Variants in DLGAP1 observed in about 807,000 individuals in gnomAD.
DLGAP1 encodes DLG associated protein 1, also known as disks large-associated protein 1.
In DLGAP1, 11 loss-of-function variants were observed where a neutral mutation model predicts 90.8. The observed-to-expected ratio is 0.12, with a 90% confidence interval of 0.08 to 0.20. The LOEUF (loss-of-function observed/expected upper bound fraction) is 0.20. DLGAP1 is among the 10% of genes least tolerant of loss of function. The pLI is 1.00. For missense variants in DLGAP1, 1,050 were observed against 1,333.8 expected (o/e 0.79, Z 3.31); for synonymous variants, 558 against 540.7 (o/e 1.03, Z -0.44).
At chr18:3,996,472 T>C (rs2074072467) in intron 3 of DLGAP1, among the ~76,000 whole-genome samples, 1 of 152,068 alleles carries the variant, frequency 6.6e-6, no homozygotes, top group Admixed American at 6.6e-5. Context: ...AGATATCTAT[T>C]TAGATTAAAT....
intron 2 of DLGAP1, among the ~76,000 whole-genome samples, chr18:4,087,620 CA>C (rs1207764894): frequency 6.6e-6 from 1 of 152,170 alleles, no homozygotes; most frequent in Non-Finnish European, 1.5e-5. Flanking sequence ...TCCCACTCCA[CA>C]ACTCTATATT....
rs11342881 is a variant in DLGAP1, at chr18:3,958,622, C to CAAA, written c.-73+46491_-73+46493dup. On this transcript the variant is annotated intron_variant, in intron 3 of 12. Coordinates refer to ENST00000315677, the MANE Select transcript of DLGAP1 (RefSeq NM_004746.4). ...GCCTTAGAGAGTTTAATCCTCTTTA[C>CAAA]AAAAAAAAAAAAAAAAAGGCTTTGT... Among the ~76,000 whole-genome samples the CAAA allele has an allele frequency of 5.1e-3, 627 of 123,528 alleles. 9 individuals carry two copies. The highest frequency in any genetic ancestry group is 0.014 in the African/African-American group (467 of 33,606). The allele number at this position is 123,528 out of a possible 152,430, so 81.0% of individuals were successfully genotyped here.
At chr18:3,887,598 CA>C (rs2071349624) in intron 3 of DLGAP1, among the ~76,000 whole-genome samples, 1 of 152,178 alleles carries the variant, frequency 6.6e-6, no homozygotes, top group Non-Finnish European at 1.5e-5. Flanking sequence ...TCCTTGCTCA[CA>C]CATGCATGCT....
chr18:4,325,310 A>G (rs1318709308), intron 1 of DLGAP1, among the ~76,000 whole-genome samples: 1 of 152,192 alleles, frequency 6.6e-6, no homozygotes, highest in Non-Finnish European at 1.5e-5. Context: ...CATGGAGGTG[A>G]AAGATCTATA....
At chr18:3,928,096 CA>C (rs1421855591) in intron 3 of DLGAP1, among the ~76,000 whole-genome samples, 1 of 152,156 alleles carries the variant, frequency 6.6e-6, no homozygotes, top group Non-Finnish European at 1.5e-5. Flanking sequence ...GCTCGCCATC[CA>C]CACACACTGC....
At chr18:4,243,263 C>T (rs1177626469) in intron 1 of DLGAP1, among the ~76,000 whole-genome samples, 3 of 152,330 alleles carry the variant, frequency 2.0e-5, no homozygotes, top group African/African-American at 7.2e-5. Flanking sequence ...AGTGCCTCTG[C>T]GGAGTACAGT....
At chr18:3,887,830 CG>C (rs2071355941) in intron 3 of DLGAP1, among the ~76,000 whole-genome samples, 1 of 151,816 alleles carries the variant, frequency 6.6e-6, no homozygotes, top group South Asian at 2.1e-4. Flanking sequence ...AGAAAACGGC[CG>C]GGGGCAGTGG....
intron 5 of DLGAP1, among the ~76,000 whole-genome samples, chr18:3,798,215 A>G (rs2066105128): frequency 6.6e-6 from 1 of 152,256 alleles, no homozygotes; most frequent in African/African-American, 2.4e-5. Context: ...ACCCGAGGTT[A>G]ATCATTCAAC....
chr18:3,929,521 A>C (rs867572985), intron 3 of DLGAP1, among the ~76,000 whole-genome samples: 5 of 152,306 alleles, frequency 3.3e-5, no homozygotes, highest in Middle Eastern at 3.4e-3. Context: ...TGCTCTTCTA[A>C]ACCACCTTTT....
intron 5 of DLGAP1, among the ~76,000 whole-genome samples, chr18:3,799,880 T>C (rs376072910): frequency 4.6e-5 from 7 of 152,166 alleles, no homozygotes; most frequent in African/African-American, 1.2e-4. Context: ...GAAATGACAA[T>C]GAGGATCTTA....
chr18:3,978,781 T>C (rs1174194650), intron 3 of DLGAP1, among the ~76,000 whole-genome samples: 2 of 152,218 alleles, frequency 1.3e-5, no homozygotes, highest in Non-Finnish European at 2.9e-5. Flanking sequence ...AGTTTTTTTA[T>C]GGGTTGACGT....
At chr18:4,090,802 T>C (rs1473383724) in intron 2 of DLGAP1, among the ~76,000 whole-genome samples, 2 of 152,230 alleles carry the variant, frequency 1.3e-5, no homozygotes, top group Non-Finnish European at 2.9e-5. Context: ...TGTATGTTCA[T>C]GGCAGCGCTA....
chr18:3,532,955 G>A (rs1180983782), intron 10 of DLGAP1, among the ~76,000 whole-genome samples: 1 of 151,934 alleles, frequency 6.6e-6, no homozygotes. Flanking sequence ...TTTTTCAATT[G>A]TTAATTTTTC....
intron 1 of DLGAP1, among the ~76,000 whole-genome samples, chr18:4,189,251 T>C (rs541389017): frequency 1.3e-5 from 2 of 152,272 alleles, no homozygotes; most frequent in African/African-American, 4.8e-5. Flanking sequence ...TTGTTGTTGA[T>C]GTGATTTTTA....
rs569937487 is a variant in DLGAP1, at chr18:4,067,110, G to C, written c.-158-61909C>G. On this transcript the variant is annotated intron_variant, in intron 2 of 12. Transcript: ENST00000315677. ...AAATACCACATGCTCTCACTTATAA[G>C]TGGGAGCTAAATGATGAGAACACAT... is the stretch of plus-strand genomic sequence containing the variant. 1.4e-3 allele frequency among the ~76,000 whole-genome samples: 219 copies of C among 152,222 alleles called. 1 individual carries two copies. Among genetic ancestry groups the C allele is most frequent in the African/African-American group, 4.9e-3 (205 of 41,544 alleles).
chr18:4,008,982 C>A (rs568153273), intron 2 of DLGAP1, among the ~76,000 whole-genome samples: 2 of 152,278 alleles, frequency 1.3e-5, no homozygotes, highest in Admixed American at 6.5e-5. Context: ...CGGCTCACTG[C>A]AAGCTCTGCC....
chr18:4,435,963 A>C (rs191205236), intron 1 of DLGAP1, among the ~76,000 whole-genome samples: 2 of 152,322 alleles, frequency 1.3e-5, no homozygotes, highest in African/African-American at 2.4e-5. Context: ...AAATTAGACA[A>C]GTAGGTAGTT....
chr18:4,437,492 T>A (rs1028108582), intron 1 of DLGAP1, among the ~76,000 whole-genome samples: 1 of 152,186 alleles, frequency 6.6e-6, no homozygotes, highest in African/African-American at 2.4e-5. Context: ...AGGCTAATTA[T>A]AATACCCAAT....
chr18:4,309,622 C>T (rs2080349049), intron 1 of DLGAP1, among the ~76,000 whole-genome samples: 1 of 152,036 alleles, frequency 6.6e-6, no homozygotes, highest in Non-Finnish European at 1.5e-5. Flanking sequence ...TGCCCACTGT[C>T]AGTGGAGAAG....
Sources: gnomAD v4.1 joint callset for allele counts (sites outside exome capture counted in the v4.1 genomes callset) on GRCh38, gnomAD v4.1.1 for gene constraint, MANE v1.5 for transcripts, NCBI Gene and HGNC (gene_info 2026-07-23, HGNC 2026-07-21) for gene names.